Variants in SPON2 observed in about 807,000 individuals in gnomAD.
SPON2 encodes spondin 2.
In SPON2, 32 loss-of-function variants were observed where a neutral mutation model predicts 29.9. The ratio of observed to expected loss-of-function variants is 1.07; its 90% CI spans 0.81 to 1.44. SPON2 has a LOEUF of 1.44. Ranked by LOEUF, SPON2 falls within the 40% of genes most tolerant of loss-of-function variation. SPON2 has a pLI of 0.00. For missense variants in SPON2, 541 were observed against 455.5 expected (o/e 1.19, Z -1.71); for synonymous variants, 248 against 209.1 (o/e 1.19, Z -1.61).
chr4:1,188,305 C>CA (rs1727844305), intron 1 of SPON2, among the ~76,000 whole-genome samples: 1 of 141,940 alleles, frequency 7.0e-6, no homozygotes. Context: ...AACAGAGGAA[C>CA]AAAAAAAACC....
chr4:1,188,202 C>CAAAAAAAAAAAAA (rs1164276990), intron 1 of SPON2, among the ~76,000 whole-genome samples: 3 of 36,560 alleles, frequency 8.2e-5, no homozygotes, highest in African/African-American at 1.1e-4. Flanking sequence ...GACTCCGTCT[C>CAAAAAAAAAAAAA]AAAAAAAAAA....
At chr4:1,208,722 G>C (rs1016679849), upstream of SPON2, 55 of 152,388 alleles carry the variant, frequency 3.6e-4, no homozygotes, top group African/African-American at 1.3e-3. Flanking sequence ...CGGTCTGTCC[G>C]TCTGCTGTCC....
intron 1 of SPON2, chr4:1,201,196 GC>G (rs2108680356): frequency 2.2e-6 from 1 of 445,286 alleles, no homozygotes; most frequent in African/African-American, 2.0e-5. Context: ...CCCTCCCCCC[GC>G]AGTATGTGGG....
intron 1 of SPON2, among the ~76,000 whole-genome samples, chr4:1,181,863 C>T (rs368492061): frequency 3.3e-5 from 5 of 152,312 alleles, no homozygotes; most frequent in Non-Finnish European, 5.9e-5. Context: ...TTCACCTTCC[C>T]CCATTGTTGC....
chr4:1,170,891 GC>G, intron 4 of SPON2, 107 bp downstream of exon 4: 1 of 1,427,680 alleles, frequency 7.0e-7, no homozygotes, highest in Non-Finnish European at 9.6e-7. Context: ...CCACACAAAA[GC>G]CGCAAGCGGC....
chr4:1,189,031 A>G (rs1382371918), intron 1 of SPON2, among the ~76,000 whole-genome samples: 1 of 152,232 alleles, frequency 6.6e-6, no homozygotes, highest in Non-Finnish European at 1.5e-5. Flanking sequence ...TAACAGAAAG[A>G]AATTTGGGTA....
chr4:1,173,010 A>AGG (rs1443643255), upstream of SPON2: 1 of 148,762 alleles, frequency 6.7e-6, no homozygotes, highest in African/African-American at 2.5e-5. Context: ...GGTGCCACTG[A>AGG]GGGGAGTTCT....
chr4:1,204,016 G>A (rs946972340), intron 1 of SPON2, among the ~76,000 whole-genome samples: 3 of 152,086 alleles, frequency 2.0e-5, no homozygotes, highest in African/African-American at 7.2e-5. Flanking sequence ...GATTACAGGC[G>A]TGCACCACCA....
chr4:1,186,154 G>T (rs1328494463), intron 1 of SPON2, among the ~76,000 whole-genome samples: 1 of 150,540 alleles, frequency 6.6e-6, no homozygotes, highest in Non-Finnish European at 1.5e-5. Context: ...TGAGGCAGGA[G>T]AATGGTGTGA....
At chr4:1,172,500 G>T (rs959862302) in intron 1 of SPON2, 44 bp downstream of exon 1, 1 of 219,094 alleles carries the variant, frequency 4.6e-6, no homozygotes. Flanking sequence ...AAGTGCAGGA[G>T]GCCCGGGCCC....
chr4:1,201,519 C>G (rs561324505), intron 1 of SPON2: 1 of 169,126 alleles, frequency 5.9e-6, no homozygotes, highest in East Asian at 1.8e-4. Flanking sequence ...GCCTTCACCC[C>G]GTCTGCACCC....
chr4:1,204,710 C>T lies in SPON2; in HGVS notation c.-234+3170G>A, dbSNP rs577680414. Reference sequence around the variant, plus strand: ...TTCTCCGGTGTTTTAATTGGCCCCGCTGTGGCAGCCGGCCAGCACGAGGGA... The same window carrying T: ...TTCTCCGGTGTTTTAATTGGCCCCGTTGTGGCAGCCGGCCAGCACGAGGGA... On this transcript the variant is annotated intron_variant, in intron 1 of 3. Transcript: ENST00000509233. Among the ~76,000 whole-genome samples the T allele has an allele frequency of 2.0e-5, 3 of 152,346 alleles. No homozygotes were observed. The South Asian group carries it at 6.2e-4, about 32-fold the overall frequency.
upstream of SPON2, among the ~76,000 whole-genome samples, chr4:1,195,608 G>A (rs956949949): frequency 6.6e-6 from 1 of 152,182 alleles, no homozygotes; most frequent in African/African-American, 2.4e-5. Flanking sequence ...AGGGCTGGAG[G>A]GTGGGCTCTG....
intron 1 of SPON2, among the ~76,000 whole-genome samples, chr4:1,192,333 G>A (rs1157450246): frequency 1.3e-5 from 2 of 152,228 alleles, no homozygotes; most frequent in African/African-American, 4.8e-5. Context: ...GCCCTGTGCT[G>A]GCTGGCCAGG....
At chr4:1,168,517 C>T (rs1297671562) in intron 5 of SPON2, among the ~76,000 whole-genome samples, 1 of 152,226 alleles carries the variant, frequency 6.6e-6, no homozygotes, top group African/African-American at 2.4e-5. Context: ...CTGGAGCAGC[C>T]CTCTCCAGAG....
chr4:1,172,937 C>G (rs1193691607), upstream of SPON2: 13 of 127,568 alleles, frequency 1.0e-4, no homozygotes, highest in African/African-American at 3.9e-4. Context: ...CCCCTCCCCC[C>G]TGTCCTCCTC....
intron 1 of SPON2, among the ~76,000 whole-genome samples, chr4:1,186,459 G>A (rs1038287833): frequency 1.3e-5 from 2 of 151,980 alleles, no homozygotes; most frequent in African/African-American, 4.8e-5. Flanking sequence ...GCATGCTGCC[G>A]TGCCCGGCTA....
chr4:1,176,839 G>GTTCATTCACACACTTCA (rs1727611507), upstream of SPON2, among the ~76,000 whole-genome samples: 2 of 147,632 alleles, frequency 1.4e-5, no homozygotes, highest in African/African-American at 5.1e-5. Flanking sequence ...CATTCACACA[G>GTTCATTCACACACTTCA]TTCATTCACA....
upstream of SPON2, among the ~76,000 whole-genome samples, chr4:1,195,489 T>TCCCC (rs910772142): frequency 1.4e-5 from 2 of 145,914 alleles, no homozygotes; most frequent in East Asian, 2.4e-4. Flanking sequence ...CACCTGAACC[T>TCCCC]CCCCCCGCCT....
Sources: allele counts gnomAD v4.1 joint callset (sites outside exome capture counted in the v4.1 genomes callset), GRCh38; gene constraint gnomAD v4.1.1; transcripts MANE v1.5; gene names NCBI Gene and HGNC (gene_info 2026-07-23, HGNC 2026-07-21).